SLC43A2: variants seen among roughly 807,000 people sequenced by gnomAD.
The protein encoded by SLC43A2 is large neutral amino acids transporter small subunit 4.
SLC43A2 carries 38 observed loss-of-function variants against 63.2 expected under a neutral mutation model. The observed-to-expected ratio is 0.60, with a 90% CI of 0.46 to 0.79. The LOEUF is 0.79. Among genes scored for constraint, SLC43A2 ranks in the 30% least tolerant of loss-of-function variants. The probability of loss-of-function intolerance (pLI) is 0.00; values close to 1 mark genes in which losing one functional copy is unlikely to be tolerated. For synonymous variants in SLC43A2, 322 were observed against 331.0 expected (o/e 0.97, Z 0.30); for missense variants, 644 against 756.2 (o/e 0.85, Z 1.74).
At chr17:1,623,828 C>T (rs978397985) in intron 2 of SLC43A2, among the ~76,000 whole-genome samples, 1 of 150,034 alleles carries the variant, frequency 6.7e-6, no homozygotes, top group African/African-American at 2.4e-5. Context: ...GTACCCTCCT[C>T]TCCTCCAGGC....
upstream of SLC43A2, among the ~76,000 whole-genome samples, chr17:1,629,295 G>C (rs1036689267): frequency 2.3e-4 from 35 of 151,918 alleles, no homozygotes; most frequent in Non-Finnish European, 4.4e-5. Context: ...GGCTCCGCAC[G>C]GTGGTTCCAC....
chr17:1,578,672 C>CGA lies in SLC43A2; in HGVS notation c.1351-350_1351-349insTC. On this transcript the variant is annotated intron_variant, in intron 11 of 13. Transcript: ENST00000301335. The surrounding 1 kb of genome is among the most constrained non-coding windows in gnomAD (Gnocchi z 6.5). ...CCTTCGGAGTAGCTAGGATTACAGGCCCACGCCACCATGCCCGGCTAATTT... is the reference window on the plus strand; with the variant it reads ...CCTTCGGAGTAGCTAGGATTACAGGCGACCACGCCACCATGCCCGGCTAATTT... The CGA allele has an allele frequency of 4.3e-6, 1 of 230,180 alleles. No homozygotes were observed. Among genetic ancestry groups the CGA allele is most frequent in the East Asian group, 9.4e-5 (1 of 10,590 alleles). The allele number at this position is 230,180 out of a possible 1,614,324, so 14.3% of individuals were successfully genotyped here.
chr17:1,586,928 T>TGGGCCCCCCAC, intron 9 of SLC43A2: 1 of 1,232,916 alleles, frequency 8.1e-7, no homozygotes, highest in Non-Finnish European at 1.1e-6. Context: ...TCCCTGACAA[T>TGGGCCCCCCAC]CCCCCCCACC....
intron 5 of SLC43A2, among the ~76,000 whole-genome samples, chr17:1,603,739 C>G (rs1227612076): frequency 1.3e-5 from 2 of 152,052 alleles, no homozygotes; most frequent in African/African-American, 4.8e-5. Context: ...GAGTTGAGAT[C>G]GCGCCATTGC....
At chr17:1,627,662 C>A in intron 2 of SLC43A2, 53 bp downstream of exon 2, 89 of 917,902 alleles carry the variant, frequency 9.7e-5, no homozygotes, top group Middle Eastern at 3.5e-4. Context: ...ATCCCGCCCC[C>A]TCCCAAAGCC....
At chr17:1,592,518 G>T (rs1274814089) in intron 6 of SLC43A2, among the ~76,000 whole-genome samples, 1 of 152,216 alleles carries the variant, frequency 6.6e-6, no homozygotes, top group Non-Finnish European at 1.5e-5. Flanking sequence ...GCTGGCCCCA[G>T]AGTCCCAGCT....
chr17:1,596,963 T>A (rs1403554783), intron 5 of SLC43A2, among the ~76,000 whole-genome samples: 1 of 152,156 alleles, frequency 6.6e-6, no homozygotes, highest in Non-Finnish European at 1.5e-5. Flanking sequence ...ACGCCTGTCA[T>A]CCCAGCACTT....
rs1401683504 is a variant in SLC43A2 at position 1,576,728 on chromosome 17, G to A, written c.1425-8C>T. The A allele has an allele frequency of 1.5e-5, 24 of 1,607,580 alleles. No individual in the cohort carries two copies. In the Middle Eastern group the frequency reaches 6.9e-4, roughly 46 times the overall value. ...AACTGGGTGGAGGGGTACCTGCAGG[G>A]CAAGCGACAGCTCACAGCCATCCTG... On this transcript the variant is annotated splice_polypyrimidine_tract_variant and splice_region_variant and intron_variant, in intron 12 of 13. Transcript: ENST00000301335.
chr17:1,598,606 A>C (rs1196463856), intron 5 of SLC43A2, among the ~76,000 whole-genome samples: 1 of 152,226 alleles, frequency 6.6e-6, no homozygotes, highest in East Asian at 1.9e-4. Context: ...CCGGAAAAGC[A>C]GAGAGCTTGC....
Position 1,590,825 on chromosome 17 carries a change from A to C in SLC43A2, c.1055T>G (p.Leu352Arg), listed in dbSNP as rs1025532876. 9 of 1,555,650 alleles carry C rather than the reference A, an allele frequency of 5.8e-6. No homozygotes were observed. The Admixed American group carries it at 7.8e-5, about 14-fold the overall frequency. Reference protein sequence around the residue: ...MGAMNNILKFLVSGDQKTVGL... With the variant: ...MGAMNNILKFRVSGDQKTVGL... ...ACCTGTCTTCTGGTCGCCGCTGACC[A>C]GGAACTTGAGGATGTTGTTCATAGC... Residue 352 changes from leucine (L) to arginine (R), a missense_variant, in exon 9 of 14, where the codon CTG becomes CGG. This residue lies in a region of SLC43A2 where 528 missense variants were observed against 623.6 expected (regional missense o/e 0.85). Transcript: ENST00000301335.
At chr17:1,608,006 G>A (rs1906774349) in intron 5 of SLC43A2, among the ~76,000 whole-genome samples, 5 of 152,114 alleles carry the variant, frequency 3.3e-5, no homozygotes, top group Admixed American at 3.3e-4. Flanking sequence ...GTGAGCTAGT[G>A]TGCCTGGCTA....
At chr17:1,584,806 C>T (rs972178993) in intron 10 of SLC43A2, among the ~76,000 whole-genome samples, 10 of 144,430 alleles carry the variant, frequency 6.9e-5, no homozygotes, top group African/African-American at 2.5e-4. Flanking sequence ...GGCGACAGAG[C>T]GAGACTCCGT....
Position 1,587,131 on chromosome 17 carries a change from C to T in SLC43A2, c.1079-1080G>A, listed in dbSNP as rs905873207. On this transcript the variant is annotated intron_variant, in intron 9 of 13. Transcript: ENST00000301335. ...ATTTCCCACTAAGCGTGACTCGGGG[C>T]GCTCAGGGGAGGCAGAGCTGCAGCC... Among the ~76,000 whole-genome samples, 5 of 85,692 alleles carry T rather than the reference C, an allele frequency of 5.8e-5. No individual in the cohort carries two copies. In the East Asian group the frequency reaches 1.1e-3, roughly 19 times the overall value. 56.2% of individuals were successfully genotyped at this position (85,692 alleles called of 152,430 possible).
chr17:1,583,521 T>G lies in SLC43A2; in HGVS notation c.1218-185A>C. 1.0e-6 allele frequency: 1 copy of G among 974,312 alleles called. No homozygotes were observed. Among genetic ancestry groups the G allele is most frequent in the East Asian group, 2.7e-5 (1 of 36,774 alleles). 60.4% of individuals were successfully genotyped at this position (974,312 alleles called of 1,614,324 possible). On this transcript the variant is annotated intron_variant, in intron 10 of 13. Transcript: ENST00000301335. This position sits in a 1 kb window ranked among gnomAD's most constrained non-coding sequence, Gnocchi z 5.5. ...ACGGACACTCCCCGGCCCTTCTCAG[T>G]GGCAAGCTGAGTGTGACTCTCGGAG...
intron 5 of SLC43A2, among the ~76,000 whole-genome samples, chr17:1,598,044 T>G (rs1243231684): frequency 6.6e-6 from 1 of 152,044 alleles, no homozygotes; most frequent in Non-Finnish European, 1.5e-5. Context: ...TCTACCCCAG[T>G]GAGAATGCAA....
At chr17:1,619,089 A>G (rs1907929963) in intron 2 of SLC43A2, among the ~76,000 whole-genome samples, 2 of 148,856 alleles carry the variant, frequency 1.3e-5, no homozygotes, top group African/African-American at 2.5e-5. Flanking sequence ...TGGATCACCT[A>G]AGGCCAGGAG....
chr17:1,604,742 C>G, intron 5 of SLC43A2: 1 of 1,535,834 alleles, frequency 6.5e-7, no homozygotes, highest in Admixed American at 2.0e-5. Flanking sequence ...GCCCTCACCT[C>G]CTGCTGTTGC....
intron 5 of SLC43A2, among the ~76,000 whole-genome samples, chr17:1,600,579 G>T (rs368788586): frequency 1.7e-3 from 173 of 102,572 alleles, no homozygotes; most frequent in African/African-American, 5.8e-3. Flanking sequence ...TTGGAGACAT[G>T]GTCTCGCTCT....
rs748312090 is a variant in SLC43A2, at chr17:1,616,605, C to T, written c.325G>A (p.Val109Ile). 20 of 1,613,876 alleles carry T rather than the reference C, an allele frequency of 1.2e-5. No homozygotes were observed. The highest frequency in any genetic ancestry group is 6.7e-5 in the Admixed American group (4 of 59,980). The change falls in exon 3 of 14, where the codon GTC (valine) becomes ATC (isoleucine). Residue 109 changes from valine to isoleucine, a missense_variant. Transcript: ENST00000301335. ...LSAITLPLGI[V>I]MDKYGPRKLR... Reference sequence around the variant, plus strand: ...TTCCTCGGGCCATACTTGTCCATGACGATACCCAGGGGCAGGGTGATGGCA... The same window carrying T: ...TTCCTCGGGCCATACTTGTCCATGATGATACCCAGGGGCAGGGTGATGGCA...
Sources: allele counts gnomAD v4.1 joint callset (sites outside exome capture counted in the v4.1 genomes callset), GRCh38; gene constraint gnomAD v4.1.1; regional missense constraint gnomAD v4.1.1; non-coding constraint Gnocchi (gnomAD v3.1); transcripts MANE v1.5; gene names NCBI Gene and HGNC (gene_info 2026-07-23, HGNC 2026-07-21).